SLC66A2: variants seen among roughly 807,000 people sequenced by gnomAD.
SLC66A2 encodes solute carrier family 66 member 2, also known as PQ loop repeat containing 1.
In SLC66A2, 23 loss-of-function variants were observed where a neutral mutation model predicts 25.5. That is an observed-to-expected ratio of 0.90 (90% CI 0.65 to 1.28). The LOEUF is 1.28. Among genes scored for constraint, SLC66A2 ranks in the 50% most tolerant of loss-of-function variants. The probability of loss-of-function intolerance (pLI) is 0.00; values close to 1 mark genes in which losing one functional copy is unlikely to be tolerated. For synonymous variants in SLC66A2, 193 were observed against 166.5 expected (o/e 1.16, Z -1.23); for missense variants, 396 against 373.1 (o/e 1.06, Z -0.51).
chr18:79,933,133 T>C (rs895950131), intron 4 of SLC66A2, among the ~76,000 whole-genome samples: 5 of 152,182 alleles, frequency 3.3e-5, no homozygotes, highest in Non-Finnish European at 7.4e-5. Flanking sequence ...GAATGCAAGG[T>C]TGGTTCAACA....
chr18:79,924,221 C>T (rs1338117848), intron 4 of SLC66A2, among the ~76,000 whole-genome samples: 4 of 152,088 alleles, frequency 2.6e-5, no homozygotes, highest in Admixed American at 2.0e-4. Context: ...CCAAACAGAA[C>T]GTGGCCTGGT....
Position 79,927,015 on chromosome 18 carries a change from C to A in SLC66A2, c.391+6954G>T, listed in dbSNP as rs1180173362. Among the ~76,000 whole-genome samples, 1 of 152,224 alleles carries A rather than the reference C, an allele frequency of 6.6e-6. No individual in the cohort carries two copies. The highest frequency in any genetic ancestry group is 2.4e-5 in the African/African-American group (1 of 41,468). On this transcript the variant is annotated intron_variant, in intron 4 of 5. Coordinates refer to ENST00000397778, the MANE Select transcript of SLC66A2 (RefSeq NM_025078.5). This position sits in a 1 kb window ranked among gnomAD's most constrained non-coding sequence, Gnocchi z 6.2. ...GTATTTTTAAAAATACAAATCGACT[C>A]TCCAGGAAAAAACAAAAAAACGAAA...
intron 4 of SLC66A2, among the ~76,000 whole-genome samples, chr18:79,922,349 A>G (rs1985346986): frequency 6.6e-6 from 1 of 151,504 alleles, no homozygotes; most frequent in Non-Finnish European, 1.5e-5. Flanking sequence ...CGTAGAGTGC[A>G]GGGAGTGCCC....
chr18:79,916,718 G>A (rs952525434), intron 5 of SLC66A2, among the ~76,000 whole-genome samples: 1 of 152,230 alleles, frequency 6.6e-6, no homozygotes, highest in Non-Finnish European at 1.5e-5. Flanking sequence ...GCTCCTGCCT[G>A]GGGACCCCTC....
At position 79,904,579 on chromosome 18, in the gene SLC66A2, T is replaced by C. The variant is rs889519850; in HGVS notation, c.609-396A>G. On this transcript the variant is annotated intron_variant, in intron 5 of 5. Transcript: ENST00000397778. The surrounding 1 kb of genome is among the most constrained non-coding windows in gnomAD (Gnocchi z 6.3). ...GGCGAGCAGCTGACGTCAGGGCCCC[T>C]GGTGCGCGGTGGCAATTCTGGGAGG... 1.3e-5 allele frequency among the ~76,000 whole-genome samples: 2 copies of C among 152,020 alleles called. No homozygotes were observed. Among genetic ancestry groups the C allele is most frequent in the Admixed American group, 6.5e-5 (1 of 15,280 alleles).
rs1419443327 is a variant in SLC66A2, at chr18:79,951,572, G to A, written c.-100+9C>T. The A allele has an allele frequency of 6.6e-6, 1 of 151,738 alleles. No homozygotes were observed. The highest frequency in any genetic ancestry group is 6.6e-5 in the Admixed American group (1 of 15,178). 9.4% of individuals were successfully genotyped at this position (151,738 alleles called of 1,614,324 possible). A position where few individuals can be genotyped will look rare whatever the true frequency, so the allele number is the denominator to read the frequency against. ...CCCGAGGACCCCGCGCCGCCCCCGC[G>A]CTCCTTACCTGCGCCCCCAGCCCCG... On this transcript the variant is annotated intron_variant, in intron 1 of 5. Transcript: ENST00000397778.
At chr18:79,915,448 C>G (rs550590973) in intron 5 of SLC66A2, 1 of 152,372 alleles carries the variant, frequency 6.6e-6, no homozygotes. Context: ...TCCTGGTCCC[C>G]GTTCCTGACG....
chr18:79,916,291 CCCGT>C (rs1984145084), intron 5 of SLC66A2, among the ~76,000 whole-genome samples: 1 of 148,638 alleles, frequency 6.7e-6, no homozygotes, highest in African/African-American at 2.5e-5. Flanking sequence ...TGCTCCCGTA[CCCGT>C]GGTGCTCCCG....
chr18:79,904,834 G>A lies in SLC66A2; in HGVS notation c.609-651C>T, dbSNP rs1981832842. On this transcript the variant is annotated intron_variant, in intron 5 of 5. Coordinates refer to ENST00000397778, the MANE Select transcript of SLC66A2 (RefSeq NM_025078.5). This position sits in a 1 kb window ranked among gnomAD's most constrained non-coding sequence, Gnocchi z 6.3. ...GGCTTGCCTAGCAGTGAACATGAGTGCTGCTGCACTTTCCCGTGTGAAATG... is the reference window on the plus strand; with the variant it reads ...GGCTTGCCTAGCAGTGAACATGAGTACTGCTGCACTTTCCCGTGTGAAATG... Among the ~76,000 whole-genome samples the A allele has an allele frequency of 6.6e-6, 1 of 152,234 alleles. No homozygotes were observed. Among genetic ancestry groups the A allele is most frequent in the African/African-American group, 2.4e-5 (1 of 41,466 alleles).
At chr18:79,911,972 A>G in intron 5 of SLC66A2, among the ~76,000 whole-genome samples, 1 of 107,440 alleles carries the variant, frequency 9.3e-6, no homozygotes, top group Non-Finnish European at 1.9e-5. Context: ...AGGGGACAGG[A>G]GCAGTGAGGA....
rs1981720239 is a variant in SLC66A2, at chr18:79,904,353, CA to C, written c.609-171del. On this transcript the variant is annotated intron_variant, in intron 5 of 5. Coordinates refer to ENST00000397778, the MANE Select transcript of SLC66A2 (RefSeq NM_025078.5). This position sits in a 1 kb window ranked among gnomAD's most constrained non-coding sequence, Gnocchi z 6.3. The stretch of plus-strand genomic sequence containing the variant: ...GGAGGCCTGGGGCTCAGGGGGCACC[CA>C]GGGGGTTGAGGGGACACCCAGTCTA... Among the ~76,000 whole-genome samples, 2 of 151,654 alleles carry C rather than the reference CA, an allele frequency of 1.3e-5. No homozygotes were observed. Among genetic ancestry groups the C allele is most frequent in the African/African-American group, 2.4e-5 (1 of 41,312 alleles).
rs1987835225 is a variant in SLC66A2, at chr18:79,943,131, A to G, written c.337+198T>C. ...CCCAACTTCCAGTGAAGAAACTATT[A>G]TCTTGAATTGCTTCAAGTCATAAAC... On this transcript the variant is annotated intron_variant, in intron 3 of 5. Transcript: ENST00000397778. Among the ~76,000 whole-genome samples, 4 of 152,210 alleles carry G rather than the reference A, an allele frequency of 2.6e-5. No individual in the cohort carries two copies. In the South Asian group the frequency reaches 6.2e-4, roughly 24 times the overall value.
At chr18:79,950,686 C>T (rs1183463411) in intron 2 of SLC66A2, 38 bp downstream of exon 2, 1 of 1,605,642 alleles carries the variant, frequency 6.2e-7, no homozygotes, top group Non-Finnish European at 8.5e-7. Flanking sequence ...AAACCCTCTT[C>T]TCCGGGTGCA....
At chr18:79,911,998 G>A (rs1446107427) in intron 5 of SLC66A2, among the ~76,000 whole-genome samples, 1 of 136,472 alleles carries the variant, frequency 7.3e-6, no homozygotes, top group Non-Finnish European at 1.6e-5. Flanking sequence ...GAGCAGAGGG[G>A]AGGCAGCAGG....
At chr18:79,913,953 G>A (rs2123252776) in intron 5 of SLC66A2, among the ~76,000 whole-genome samples, 1 of 152,294 alleles carries the variant, frequency 6.6e-6, no homozygotes, top group East Asian at 1.9e-4. Flanking sequence ...CTGTTGCCCA[G>A]GCTGGAGTGC....
At chr18:79,907,828 T>A (rs1323180452) in intron 5 of SLC66A2, among the ~76,000 whole-genome samples, 1 of 152,004 alleles carries the variant, frequency 6.6e-6, no homozygotes, top group Non-Finnish European at 1.5e-5. Context: ...CTGTTAAACA[T>A]CCTATAATAC....
rs1984570039 is a variant in SLC66A2, at chr18:79,918,587, C to A, written c.608+597G>T. Among the ~76,000 whole-genome samples, 2 of 152,246 alleles carry A rather than the reference C, an allele frequency of 1.3e-5. No individual in the cohort carries two copies. Among genetic ancestry groups the A allele is most frequent in the Admixed American group, 6.5e-5 (1 of 15,294 alleles). On this transcript the variant is annotated intron_variant, in intron 5 of 5. Transcript: ENST00000397778. This position sits in a 1 kb window ranked among gnomAD's most constrained non-coding sequence, Gnocchi z 4.0. The stretch of plus-strand genomic sequence containing the variant: ...TCTGTTTTTATTACAATGCAGTTTC[C>A]ATCCAGGACCTTGACTGAGCCCGTG...
chr18:79,912,545 A>G (rs1983393333), intron 5 of SLC66A2, among the ~76,000 whole-genome samples: 1 of 152,114 alleles, frequency 6.6e-6, no homozygotes, highest in East Asian at 1.9e-4. Flanking sequence ...GCCACGTGTC[A>G]TCAGGCACCA....
intron 5 of SLC66A2, among the ~76,000 whole-genome samples, chr18:79,910,551 AT>A (rs948646612): frequency 1.3e-5 from 2 of 152,142 alleles, no homozygotes; most frequent in Non-Finnish European, 2.9e-5. Flanking sequence ...AAATTTGAGC[AT>A]TTTTTTCGCA....
Sources: allele counts gnomAD v4.1 joint callset (sites outside exome capture counted in the v4.1 genomes callset), GRCh38; gene constraint gnomAD v4.1.1; non-coding constraint Gnocchi (gnomAD v3.1); transcripts MANE v1.5; gene names NCBI Gene and HGNC (gene_info 2026-07-23, HGNC 2026-07-21).